TLE1: variants seen among roughly 807,000 people sequenced by gnomAD.
TLE1 encodes TLE family member 1, transcriptional corepressor.
In TLE1, 21 loss-of-function variants were observed where a neutral mutation model predicts 89.8. That is an observed-to-expected ratio of 0.23 (90% CI 0.17 to 0.34). The LOEUF (loss-of-function observed/expected upper bound fraction) is 0.34, where lower values mean the gene tolerates loss of function less well. Ranked by LOEUF, TLE1 falls within the 10% of genes least tolerant of loss-of-function variation. The pLI, the probability that TLE1 is intolerant of heterozygous loss-of-function variation, is 1.00. For missense variants in TLE1, 795 were observed against 1,031.2 expected (o/e 0.77, Z 3.14); for synonymous variants, 447 against 407.6 (o/e 1.10, Z -1.16).
chr9:81,654,167 G>T (rs1829878443), intron 4 of TLE1, 131 bp from the exon 5 acceptor site: 1 of 740,194 alleles, frequency 1.4e-6, no homozygotes, highest in African/African-American at 1.8e-5. Flanking sequence ...GTTTCCCCAG[G>T]TTATGTTACT....
At chr9:81,611,702 C>A in intron 13 of TLE1, 67 bp downstream of exon 13, 1 of 1,363,840 alleles carries the variant, frequency 7.3e-7, no homozygotes, top group East Asian at 3.1e-5. Context: ...TGGCCCCAAA[C>A]CTGACAGCGC....
intron 4 of TLE1, among the ~76,000 whole-genome samples, chr9:81,680,882 GA>G (rs11322598): frequency 0.27 from 40,578 of 148,166 alleles, 5,583 homozygotes; most frequent in African/African-American, 0.32. Flanking sequence ...GACTTAGGGG[GA>G]AAAAAAATCT....
chr9:81,620,311 G>A (rs1825069037), intron 9 of TLE1, 130 bp downstream of exon 9: 1 of 765,542 alleles, frequency 1.3e-6, no homozygotes, highest in Non-Finnish European at 2.1e-6. Context: ...ATCCTACAAT[G>A]TAAGAACCTC....
Position 81,689,519 on chromosome 9 carries a change from C to T in TLE1, c.-1279G>A, listed in dbSNP as rs1275302139. ...GCAGCCGCCGCTCCCACCGCCGCCGCCGCCCGCGCCTCTCGCGCCGCTTAC... is the reference window on the plus strand; with the variant it reads ...GCAGCCGCCGCTCCCACCGCCGCCGTCGCCCGCGCCTCTCGCGCCGCTTAC... On this transcript the variant is annotated 5_prime_UTR_variant, in exon 1 of 20. Transcript: ENST00000376499. Among the ~76,000 whole-genome samples, 2 of 152,152 alleles carry T rather than the reference C, an allele frequency of 1.3e-5. No homozygotes were observed. The highest frequency in any genetic ancestry group is 4.8e-5 in the African/African-American group (2 of 41,440).
intron 14 of TLE1, among the ~76,000 whole-genome samples, chr9:81,595,682 G>A (rs886607928): frequency 1.3e-5 from 2 of 151,976 alleles, no homozygotes; most frequent in Non-Finnish European, 2.9e-5. Flanking sequence ...AGCCGGGTAT[G>A]GTGGCGGGCG....
chr9:81,597,826 C>G (rs548805850), intron 14 of TLE1, among the ~76,000 whole-genome samples: 1 of 152,292 alleles, frequency 6.6e-6, no homozygotes, highest in East Asian at 1.9e-4. Context: ...AGCAAAGAGT[C>G]CCCACCGGGC....
chr9:81,648,153 T>A (rs1315630206), intron 6 of TLE1, among the ~76,000 whole-genome samples: 1 of 151,028 alleles, frequency 6.6e-6, no homozygotes, highest in Non-Finnish European at 1.5e-5. Flanking sequence ...ATGCCTGTAA[T>A]CCCAGCTACT....
intron 4 of TLE1, among the ~76,000 whole-genome samples, chr9:81,659,250 T>C (rs959083505): frequency 6.6e-6 from 1 of 152,068 alleles, no homozygotes; most frequent in East Asian, 1.9e-4. Flanking sequence ...TTGATTGGAG[T>C]GTGCTGGCAG....
chr9:81,587,925 T>TCCC, intron 16 of TLE1, 97 bp from the exon 17 acceptor site: 1 of 1,101,956 alleles, frequency 9.1e-7, no homozygotes. Context: ...TGTGTGTGTG[T>TCCC]GTGTGTGTGT....
chr9:81,652,304 G>C lies in TLE1; in HGVS notation c.298-16C>G. ...GTTGTTGATGCTTTGAAAACAAGGAGAAGAAAGGGCATTAGCAACAGCCAA... is the reference window on the plus strand; with the variant it reads ...GTTGTTGATGCTTTGAAAACAAGGACAAGAAAGGGCATTAGCAACAGCCAA... On this transcript the variant is annotated splice_polypyrimidine_tract_variant and intron_variant, in intron 5 of 19. Transcript: ENST00000376499. 6.2e-7 allele frequency: 1 copy of C among 1,611,678 alleles called. No homozygotes were observed. The highest frequency in any genetic ancestry group is 8.5e-7 in the Non-Finnish European group (1 of 1,178,406).
intron 14 of TLE1, among the ~76,000 whole-genome samples, chr9:81,593,721 A>C (rs1829853170): frequency 6.6e-6 from 1 of 152,232 alleles, no homozygotes; most frequent in South Asian, 2.1e-4. Context: ...CAGAGTAGAT[A>C]TATTTCAACA....
intron 11 of TLE1, among the ~76,000 whole-genome samples, chr9:81,615,330 GA>G (rs1176268015): frequency 0.012 from 1,559 of 126,662 alleles, 23 homozygotes; most frequent in African/African-American, 0.039. Flanking sequence ...CTCCGTCTCA[GA>G]AAAAAAAAAA....
intron 6 of TLE1, among the ~76,000 whole-genome samples, chr9:81,649,475 C>T (rs1403429046): frequency 2.0e-5 from 3 of 152,152 alleles, no homozygotes; most frequent in African/African-American, 7.2e-5. Flanking sequence ...AGCAGTAAAG[C>T]TCCTTGATTG....
intron 4 of TLE1, among the ~76,000 whole-genome samples, chr9:81,682,425 T>A (rs1833748514): frequency 6.6e-6 from 1 of 151,780 alleles, no homozygotes; most frequent in African/African-American, 2.4e-5. Context: ...CCTATGGAGG[T>A]CACAGAAGAC....
intron 12 of TLE1, chr9:81,612,429 G>A: frequency 3.3e-6 from 3 of 921,376 alleles, no homozygotes; most frequent in Non-Finnish European, 3.9e-6. Context: ...GGTTTAGGAG[G>A]AATATTCTGT....
chr9:81,653,926 C>A (rs1265327034), intron 5 of TLE1, 48 bp downstream of exon 5: 24 of 1,563,586 alleles, frequency 1.5e-5, no homozygotes, highest in Non-Finnish European at 2.1e-5. Flanking sequence ...AATTTGCAAA[C>A]AGAGAAGCAA....
intron 14 of TLE1, among the ~76,000 whole-genome samples, chr9:81,599,412 G>A (rs1323726586): frequency 1.3e-5 from 2 of 152,068 alleles, no homozygotes; most frequent in African/African-American, 2.4e-5. Flanking sequence ...CCCACACATC[G>A]TGAGCAACAT....
At chr9:81,613,303 C>A in intron 12 of TLE1, 74 bp downstream of exon 12, 1 of 1,572,084 alleles carries the variant, frequency 6.4e-7, no homozygotes. Context: ...AATTGCGTCA[C>A]AACATTAACA....
intron 4 of TLE1, among the ~76,000 whole-genome samples, chr9:81,675,698 G>GTTTGTTTTTTTT (rs1554701835): frequency 3.1e-5 from 4 of 129,674 alleles, no homozygotes; most frequent in African/African-American, 9.9e-5. Context: ...ACTCACACTA[G>GTTTGTTTTTTTT]TTTTTTTTTG....
Sources: gnomAD v4.1 joint callset for allele counts (sites outside exome capture counted in the v4.1 genomes callset) on GRCh38, gnomAD v4.1.1 for gene constraint, MANE v1.5 for transcripts, NCBI Gene and HGNC (gene_info 2026-07-23, HGNC 2026-07-21) for gene names.